Variants in MBNL2 observed in about 807,000 individuals in gnomAD.
MBNL2 encodes the protein muscleblind like splicing regulator 2, also known as muscleblind-like protein 2.
A neutral mutation model predicts 41.9 loss-of-function variants in MBNL2; 17 were observed. The observed-to-expected ratio is 0.41, with a 90% CI of 0.28 to 0.61. The LOEUF (loss-of-function observed/expected upper bound fraction) is 0.61, where lower values mean the gene tolerates loss of function less well. Ranked by LOEUF, MBNL2 falls within the 20% of genes least tolerant of loss-of-function variation. MBNL2 has a pLI of 0.35. For missense variants in MBNL2, 336 were observed against 505.6 expected (o/e 0.66, Z 3.22); for synonymous variants, 195 against 182.9 (o/e 1.07, Z -0.53).
At chr13:97,190,870 C>T in the MBNL2 span, among the ~76,000 whole-genome samples, 1 of 152,282 alleles carries the variant, frequency 6.6e-6, no homozygotes, top group Admixed American at 6.5e-5. Context: ...ATTCACAAAT[C>T]AGGAACTGAT....
chr13:97,292,157 C>T lies in MBNL2; in HGVS notation c.174+15748C>T, dbSNP rs182788858. Among the ~76,000 whole-genome samples, 1,001 of 141,830 alleles carry T rather than the reference C, an allele frequency of 7.1e-3. 9 individuals are homozygous for T. The highest frequency in any genetic ancestry group is 0.025 in the African/African-American group (940 of 37,628). 93.0% of individuals were successfully genotyped at this position (141,830 alleles called of 152,430 possible). ...CGGAGCTTGAAGTGAGCCGAGATCG[C>T]GCCACTGCACTCCAGCCTGGGCAAC... On this transcript the variant is annotated intron_variant, in intron 2 of 8. Coordinates refer to ENST00000679496, the MANE Select transcript of MBNL2 (RefSeq NM_001382683.1).
intron 3 of MBNL2, among the ~76,000 whole-genome samples, chr13:97,339,032 A>AT (rs2061145631): frequency 1.0e-5 from 1 of 99,432 alleles, no homozygotes; most frequent in Admixed American, 1.0e-4. Flanking sequence ...ATGAATGTGT[A>AT]GTTAGTGTAT....
intron 8 of MBNL2, among the ~76,000 whole-genome samples, chr13:97,368,064 C>G (rs146850982): frequency 5.3e-5 from 8 of 152,212 alleles, no homozygotes; most frequent in African/African-American, 1.9e-4. Context: ...CCTCCTTGAA[C>G]TATGTTTATG....
At chr13:97,158,243 C>G in the MBNL2 span, among the ~76,000 whole-genome samples, 6 of 151,498 alleles carry the variant, frequency 4.0e-5, no homozygotes, top group African/African-American at 1.5e-4. Flanking sequence ...GTGGTGATAT[C>G]TCCTTTATCA....
intron 2 of MBNL2, among the ~76,000 whole-genome samples, chr13:97,313,245 T>A (rs2058758339): frequency 6.6e-6 from 1 of 152,208 alleles, no homozygotes; most frequent in Non-Finnish European, 1.5e-5. Flanking sequence ...GTCCAAGGTG[T>A]TAACTCTAAA....
intron 8 of MBNL2, among the ~76,000 whole-genome samples, chr13:97,368,716 GTGTGTGTGTGTTCGTGTCTGTGTA>G (rs1354376637): frequency 2.0e-5 from 3 of 151,936 alleles, no homozygotes; most frequent in East Asian, 1.9e-4. Context: ...GTGTGTGTGT[GTGTGTGTGTGTTCGTGTCTGTGTA>G]TGTGTGTGTG....
At chr13:97,287,929 G>GTTTTTTTTTTTTTTTTT (rs2054942480) in intron 2 of MBNL2, among the ~76,000 whole-genome samples, 1 of 72,628 alleles carries the variant, frequency 1.4e-5, no homozygotes, top group African/African-American at 4.8e-5. Flanking sequence ...TTTTTTTTTT[G>GTTTTTTTTTTTTTTTTT]TTTTGTTTTG....
At chr13:97,385,749 A>G (rs1332229110) in intron 8 of MBNL2, among the ~76,000 whole-genome samples, 3 of 152,222 alleles carry the variant, frequency 2.0e-5, no homozygotes, top group Non-Finnish European at 2.9e-5. Context: ...GAAAACCCAG[A>G]ATGTATTAAT....
intron 2 of MBNL2, among the ~76,000 whole-genome samples, chr13:97,278,721 T>G (rs1429998449): frequency 6.6e-6 from 1 of 152,242 alleles, no homozygotes; most frequent in East Asian, 1.9e-4. Context: ...GGAGCCTTTT[T>G]GAGGTGTTGA....
At chr13:97,379,934 C>T (rs1334779229) in intron 8 of MBNL2, among the ~76,000 whole-genome samples, 2 of 152,106 alleles carry the variant, frequency 1.3e-5, no homozygotes, top group Admixed American at 6.5e-5. Flanking sequence ...AAAAAATAGA[C>T]AAAAGATCTG....
chr13:97,258,398 G>A (rs2047965160), intron 1 of MBNL2, among the ~76,000 whole-genome samples: 1 of 152,088 alleles, frequency 6.6e-6, no homozygotes, highest in Admixed American at 6.5e-5. Flanking sequence ...TTAGAAGTAT[G>A]GCAGTACTTT....
chr13:97,301,754 G>T (rs954580625), intron 2 of MBNL2, among the ~76,000 whole-genome samples: 3 of 152,196 alleles, frequency 2.0e-5, no homozygotes, highest in Non-Finnish European at 2.9e-5. Flanking sequence ...TAGATGCGGG[G>T]TTTAGTTAAC....
intron 1 of MBNL2, among the ~76,000 whole-genome samples, chr13:97,269,253 A>G (rs1387717433): frequency 6.6e-6 from 1 of 152,216 alleles, no homozygotes; most frequent in African/African-American, 2.4e-5. Flanking sequence ...AGTGAGAGAG[A>G]CTTACACAAA....
the MBNL2 span, among the ~76,000 whole-genome samples, chr13:97,207,559 G>A: frequency 6.6e-6 from 1 of 152,094 alleles, no homozygotes; most frequent in African/African-American, 2.4e-5. Context: ...GAACAGCACG[G>A]GAAAGACTTG....
chr13:97,350,758 T>C (rs1433514018), intron 5 of MBNL2, among the ~76,000 whole-genome samples: 1 of 152,242 alleles, frequency 6.6e-6, no homozygotes, highest in African/African-American at 2.4e-5. Context: ...TATTAAGAAT[T>C]CTAGTTCTCT....
At chr13:97,354,097 G>A (rs1444633378) in intron 5 of MBNL2, among the ~76,000 whole-genome samples, 1 of 150,016 alleles carries the variant, frequency 6.7e-6, no homozygotes, top group Non-Finnish European at 1.5e-5. Flanking sequence ...CATCACTCAT[G>A]CACACCAAGC....
At chr13:97,336,120 A>C (rs1190482479) in intron 3 of MBNL2, among the ~76,000 whole-genome samples, 1 of 152,220 alleles carries the variant, frequency 6.6e-6, no homozygotes, top group African/African-American at 2.4e-5. Context: ...GCTGTTAACT[A>C]TTAGTTGAAC....
the MBNL2 span, among the ~76,000 whole-genome samples, chr13:97,167,516 T>C: frequency 6.6e-6 from 1 of 152,224 alleles, no homozygotes; most frequent in East Asian, 1.9e-4. Flanking sequence ...ATTAATTTCC[T>C]TTATTTATAA....
chr13:97,223,984 T>C (rs1045276617), intron 1 of MBNL2, among the ~76,000 whole-genome samples: 3 of 152,206 alleles, frequency 2.0e-5, no homozygotes, highest in African/African-American at 7.2e-5. Context: ...GGACTTAAGT[T>C]ATGTCTTTAT....
Sources: gnomAD v4.1 joint callset for allele counts (sites outside exome capture counted in the v4.1 genomes callset) on GRCh38, gnomAD v4.1.1 for gene constraint, MANE v1.5 for transcripts, NCBI Gene and HGNC (gene_info 2026-07-23, HGNC 2026-07-21) for gene names.